Variants in ARB2A observed in about 807,000 individuals in gnomAD.
ARB2A encodes the protein cotranscriptional regulator ARB2A.
chr5:93,947,235 C>T, the ARB2A span, among the ~76,000 whole-genome samples: 1 of 152,090 alleles, frequency 6.6e-6, no homozygotes, highest in Non-Finnish European at 1.5e-5. Context: ...CCAAAGGTTT[C>T]ATTGGTCCAG....
the ARB2A span, among the ~76,000 whole-genome samples, chr5:93,756,188 C>T: frequency 3.9e-5 from 6 of 152,166 alleles, no homozygotes; most frequent in Admixed American, 3.9e-4. Context: ...ACCTGGAAAT[C>T]TCACTCCCAT....
At chr5:93,758,138 A>G in the ARB2A span, among the ~76,000 whole-genome samples, 1 of 152,214 alleles carries the variant, frequency 6.6e-6, no homozygotes, top group Admixed American at 6.5e-5. Context: ...ACAGCAGTTA[A>G]AAGAGACAAA....
chr5:94,074,700 C>T, the ARB2A span: 1 of 1,612,826 alleles, frequency 6.2e-7, no homozygotes, highest in East Asian at 2.2e-5. Context: ...TGGATTTGTG[C>T]CATGTTTATC....
the ARB2A span, among the ~76,000 whole-genome samples, chr5:94,070,214 G>A: frequency 2.6e-5 from 4 of 152,144 alleles, no homozygotes; most frequent in Admixed American, 1.3e-4. Context: ...ACTGTGTTAA[G>A]TGAAATAAGT....
At chr5:93,793,263 T>TTTTTTTTTTTA in the ARB2A span, among the ~76,000 whole-genome samples, 1 of 137,846 alleles carries the variant, frequency 7.3e-6, no homozygotes, top group Non-Finnish European at 1.5e-5. Flanking sequence ...TTTTTTTTTT[T>TTTTTTTTTTTA]GGTAGAAACA....
At chr5:94,097,907 G>C in the ARB2A span, among the ~76,000 whole-genome samples, 1 of 151,046 alleles carries the variant, frequency 6.6e-6, no homozygotes, top group Admixed American at 6.6e-5. Flanking sequence ...TCTGCCGCTG[G>C]CTTAATGAAG....
chr5:93,813,158 T>A, the ARB2A span, among the ~76,000 whole-genome samples: 1 of 152,220 alleles, frequency 6.6e-6, no homozygotes, highest in Non-Finnish European at 1.5e-5. Flanking sequence ...TTTTGTTATA[T>A]CATTGGTAGA....
chr5:94,013,832 A>G, the ARB2A span, among the ~76,000 whole-genome samples: 1 of 152,172 alleles, frequency 6.6e-6, no homozygotes, highest in Non-Finnish European at 1.5e-5. Context: ...TGAGAATGAG[A>G]CAGTTCCCAG....
chr5:93,871,566 A>T, the ARB2A span, among the ~76,000 whole-genome samples: 2 of 152,236 alleles, frequency 1.3e-5, no homozygotes, highest in African/African-American at 4.8e-5. Flanking sequence ...CAAAAACATC[A>T]ATGAAGACAA....
the ARB2A span, chr5:93,738,627 T>C: frequency 2.0e-5 from 3 of 152,112 alleles, no homozygotes; most frequent in East Asian, 1.9e-4. Context: ...TATTCAGTCA[T>C]AAAAAAGGAA....
At chr5:93,940,407 TTC>T in the ARB2A span, among the ~76,000 whole-genome samples, 1 of 152,042 alleles carries the variant, frequency 6.6e-6, no homozygotes. Context: ...ATTGTTGAAA[TTC>T]TGTCTTAATT....
At chr5:93,931,847 G>A in the ARB2A span, among the ~76,000 whole-genome samples, 1 of 151,984 alleles carries the variant, frequency 6.6e-6, no homozygotes, top group Admixed American at 6.6e-5. Context: ...AGTTTTGCTT[G>A]TTTTTGAACT....
chr5:94,104,053 G>C, the ARB2A span, among the ~76,000 whole-genome samples: 1 of 150,622 alleles, frequency 6.6e-6, no homozygotes, highest in Admixed American at 6.6e-5. Context: ...ACATCAAGTA[G>C]TTAGAAAGAT....
chr5:94,014,650 C>CA, the ARB2A span, among the ~76,000 whole-genome samples: 1 of 151,586 alleles, frequency 6.6e-6, no homozygotes, highest in African/African-American at 2.4e-5. Flanking sequence ...CAACACAACA[C>CA]AAAAAAGCAA....
At chr5:93,618,149 T>G in the ARB2A span, 5 of 152,164 alleles carry the variant, frequency 3.3e-5, no homozygotes, top group African/African-American at 9.6e-5. Flanking sequence ...CTTTTTTTTT[T>G]TTACTTCGCA....
chr5:93,891,192 C>T, the ARB2A span, among the ~76,000 whole-genome samples: 3 of 152,090 alleles, frequency 2.0e-5, no homozygotes, highest in Admixed American at 6.6e-5. Flanking sequence ...ACATATCTTG[C>T]TGTCTTTGTT....
At chr5:93,853,572 C>G in the ARB2A span, among the ~76,000 whole-genome samples, 3 of 152,104 alleles carry the variant, frequency 2.0e-5, no homozygotes, top group Non-Finnish European at 4.4e-5. Flanking sequence ...TTTGCCCATT[C>G]AGTATGATAT....
chr5:93,836,392 A>G, the ARB2A span, among the ~76,000 whole-genome samples: 1 of 152,200 alleles, frequency 6.6e-6, no homozygotes, highest in Non-Finnish European at 1.5e-5. Context: ...CGGAACACAG[A>G]TATGGCTCTA....
At chr5:94,080,265 C>A in the ARB2A span, among the ~76,000 whole-genome samples, 335 of 152,054 alleles carry the variant, frequency 2.2e-3, no homozygotes, top group African/African-American at 7.7e-3. Flanking sequence ...GACTCTAATT[C>A]TATAGTAAAA....
Sources: allele counts gnomAD v4.1 joint callset (sites outside exome capture counted in the v4.1 genomes callset), GRCh38; gene constraint gnomAD v4.1.1; transcripts MANE v1.5; gene names NCBI Gene and HGNC (gene_info 2026-07-23, HGNC 2026-07-21).